FHIT: variants seen among roughly 807,000 people sequenced by gnomAD.
FHIT encodes the protein bis(5'-adenosyl)-triphosphatase.
FHIT carries 19 observed loss-of-function variants against 17.9 expected under a neutral mutation model. The ratio of observed to expected loss-of-function variants is 1.06; its 90% CI spans 0.74 to 1.56. FHIT has a LOEUF of 1.56. Among genes scored for constraint, FHIT ranks in the 40% most tolerant of loss-of-function variants. The pLI is 0.00. For synonymous variants in FHIT, 81 were observed against 69.7 expected, an observed-to-expected ratio of 1.16 and a Z score of -0.81; for missense variants, 248 against 189.2, an observed-to-expected ratio of 1.31 and a Z score of -1.82.
chr3:60,210,771 C>T (rs1483646966), intron 5 of FHIT, among the ~76,000 whole-genome samples: 1 of 152,032 alleles, frequency 6.6e-6, no homozygotes, highest in Non-Finnish European at 1.5e-5. Flanking sequence ...ACTTAGGGAA[C>T]TAGGAATTCT....
At position 60,859,321 on chromosome 3, in the gene FHIT, G is replaced by A. The variant is rs540397002; in HGVS notation, c.-110-37310C>T. Among the ~76,000 whole-genome samples the A allele has an allele frequency of 2.0e-3, 302 of 152,248 alleles. 3 individuals carry two copies. Among genetic ancestry groups the A allele is most frequent in the African/African-American group, 6.9e-3 (288 of 41,550 alleles). On this transcript the variant is annotated intron_variant, in intron 3 of 9. Transcript: ENST00000492590. Reference sequence around the variant, plus strand: ...GGTAAATTACTATGCGTGCACAGAAGAGCTTAATAAATGTTAGATGTTAAT... The same window carrying A: ...GGTAAATTACTATGCGTGCACAGAAAAGCTTAATAAATGTTAGATGTTAAT...
intron 4 of FHIT, among the ~76,000 whole-genome samples, chr3:60,744,263 C>CAAAAAAAAAAAAAAAA (rs1201886354): frequency 2.3e-4 from 20 of 85,962 alleles, no homozygotes; most frequent in East Asian, 5.5e-4. Context: ...AAAAACAAAA[C>CAAAAAAAAAAAAAAAA]AAAACAAAAA....
rs1702143539 is a variant in FHIT at position 60,826,850 on chromosome 3, A to G, written c.-110-4839T>C. On this transcript the variant is annotated intron_variant, in intron 3 of 9. Transcript: ENST00000492590. Reference sequence around the variant, plus strand: ...ATGGACATCTTTTCAACCTTTTTAAAAGCACATTGCAATTTTCTAGAATCA... The same window carrying G: ...ATGGACATCTTTTCAACCTTTTTAAGAGCACATTGCAATTTTCTAGAATCA... 3.3e-5 allele frequency among the ~76,000 whole-genome samples: 5 copies of G among 152,120 alleles called. No homozygotes were observed. In the South Asian group the frequency reaches 1.0e-3, roughly 32 times the overall value.
intron 2 of FHIT, among the ~76,000 whole-genome samples, chr3:61,163,376 C>T (rs868367932): frequency 2.6e-5 from 4 of 152,304 alleles, no homozygotes; most frequent in East Asian, 1.9e-4. Context: ...GGACCATATC[C>T]GGTTTTACAT....
chr3:61,140,405 T>C (rs2037046755), intron 2 of FHIT, among the ~76,000 whole-genome samples: 1 of 152,188 alleles, frequency 6.6e-6, no homozygotes, highest in African/African-American at 2.4e-5. Context: ...GGTGTATATA[T>C]AACCAGCACT....
chr3:60,842,362 C>CA (rs1335768649), intron 3 of FHIT, among the ~76,000 whole-genome samples: 1 of 151,686 alleles, frequency 6.6e-6, no homozygotes, highest in Non-Finnish European at 1.5e-5. Context: ...AAAAAGAACT[C>CA]AGAGTGTGAC....
intron 3 of FHIT, among the ~76,000 whole-genome samples, chr3:60,955,114 A>G (rs1419711543): frequency 6.6e-6 from 1 of 152,204 alleles, no homozygotes; most frequent in Non-Finnish European, 1.5e-5. Context: ...GTAGTTTTCC[A>G]TACTTCATGG....
At chr3:59,750,413 A>C (rs900945385) in intron 9 of FHIT, 2 of 224,624 alleles carry the variant, frequency 8.9e-6, no homozygotes, top group Non-Finnish European at 1.8e-5. Context: ...CTCTAAAATG[A>C]CATACTGGCC....
intron 5 of FHIT, among the ~76,000 whole-genome samples, chr3:60,304,928 T>C (rs1708605124): frequency 6.6e-6 from 1 of 152,142 alleles, no homozygotes; most frequent in Non-Finnish European, 1.5e-5. Flanking sequence ...AAGAAGATTT[T>C]TACTACAAAA....
chr3:60,716,209 C>A (rs1553706745), intron 4 of FHIT, among the ~76,000 whole-genome samples: 2 of 152,056 alleles, frequency 1.3e-5, no homozygotes, highest in Non-Finnish European at 2.9e-5. Flanking sequence ...CACACCGCTA[C>A]ACTCCAGCCT....
chr3:59,821,410 T>C (rs1048225444), intron 8 of FHIT, among the ~76,000 whole-genome samples: 5 of 152,192 alleles, frequency 3.3e-5, no homozygotes, highest in East Asian at 1.9e-4. Context: ...GTGGCTTCCA[T>C]AGAAAACACT....
chr3:60,994,620 T>C (rs2030516415), intron 3 of FHIT, among the ~76,000 whole-genome samples: 1 of 152,132 alleles, frequency 6.6e-6, no homozygotes, highest in Non-Finnish European at 1.5e-5. Flanking sequence ...AAAGCAACAT[T>C]GGGCACGGTT....
At chr3:60,228,799 C>T (rs1006871551) in intron 5 of FHIT, among the ~76,000 whole-genome samples, 2 of 152,182 alleles carry the variant, frequency 1.3e-5, no homozygotes, top group African/African-American at 4.8e-5. Context: ...AAGCTTAAGT[C>T]ATTTTGTCTG....
chr3:60,388,682 A>G (rs1701108650), intron 5 of FHIT, among the ~76,000 whole-genome samples: 1 of 152,190 alleles, frequency 6.6e-6, no homozygotes, highest in African/African-American at 2.4e-5. Flanking sequence ...TCTCACATAT[A>G]TATGCATTCA....
chr3:60,963,203 T>A (rs1324124577), intron 3 of FHIT, among the ~76,000 whole-genome samples: 1 of 152,260 alleles, frequency 6.6e-6, no homozygotes, highest in Non-Finnish European at 1.5e-5. Flanking sequence ...CTAGATTTTC[T>A]AGTTTATTTG....
chr3:60,019,604 G>C (rs1700477318), intron 5 of FHIT, among the ~76,000 whole-genome samples: 1 of 151,952 alleles, frequency 6.6e-6, no homozygotes, highest in Non-Finnish European at 1.5e-5. Flanking sequence ...TTTTAGTAGA[G>C]ATGGGGTTTC....
intron 8 of FHIT, among the ~76,000 whole-genome samples, chr3:59,853,305 A>C (rs1207334756): frequency 6.6e-6 from 1 of 152,220 alleles, no homozygotes; most frequent in Non-Finnish European, 1.5e-5. Flanking sequence ...ACAGTTCAAG[A>C]AGCTGAAACT....
chr3:60,033,733 G>A (rs1701097523), intron 5 of FHIT, among the ~76,000 whole-genome samples: 1 of 152,166 alleles, frequency 6.6e-6, no homozygotes, highest in African/African-American at 2.4e-5. Flanking sequence ...GCCATCCTTT[G>A]TATTGTTTTT....
intron 4 of FHIT, among the ~76,000 whole-genome samples, chr3:60,620,558 G>A (rs914610703): frequency 2.6e-4 from 39 of 151,632 alleles, no homozygotes; most frequent in African/African-American, 9.4e-4. Flanking sequence ...GCTGCATACT[G>A]TGTGATTCCA....
Sources: allele counts gnomAD v4.1 joint callset (sites outside exome capture counted in the v4.1 genomes callset), GRCh38; gene constraint gnomAD v4.1.1; transcripts MANE v1.5; gene names NCBI Gene and HGNC (gene_info 2026-07-23, HGNC 2026-07-21).